The following KCNIP4 variants were observed in gnomAD, a reference collection of about 807,000 sequenced individuals.
KCNIP4 encodes the protein Kv channel-interacting protein 4.
In KCNIP4, 12 loss-of-function variants were observed where a neutral mutation model predicts 34.0. That is an observed-to-expected ratio of 0.35 (90% CI 0.23 to 0.57). The LOEUF (loss-of-function observed/expected upper bound fraction) is 0.57, where lower values mean the gene tolerates loss of function less well. Among genes scored for constraint, KCNIP4 ranks in the 20% least tolerant of loss-of-function variants. The pLI, the probability that KCNIP4 is intolerant of heterozygous loss-of-function variation, is 0.83. For missense variants in KCNIP4, 238 were observed against 311.7 expected, an observed-to-expected ratio of 0.76 and a Z score of 1.78; for synonymous variants, 124 against 102.2, an observed-to-expected ratio of 1.21 and a Z score of -1.29.
intron 1 of KCNIP4, among the ~76,000 whole-genome samples, chr4:21,571,259 CAG>C (rs576293018): frequency 5.0e-4 from 76 of 152,288 alleles, no homozygotes; most frequent in African/African-American, 1.8e-3. Context: ...ATTCCATAAA[CAG>C]AAGAGTCTAC....
intron 1 of KCNIP4, among the ~76,000 whole-genome samples, chr4:21,692,004 A>C (rs1353424055): frequency 6.6e-6 from 1 of 151,968 alleles, no homozygotes; most frequent in East Asian, 1.9e-4. Context: ...GGCCAAATGC[A>C]ACTCTTTCTA....
intron 1 of KCNIP4, among the ~76,000 whole-genome samples, chr4:21,648,136 G>C (rs553327884): frequency 3.0e-4 from 46 of 152,012 alleles, no homozygotes; most frequent in African/African-American, 1.0e-3. Flanking sequence ...GCCTCCCAAA[G>C]TGCTGGGATT....
chr4:21,443,069 T>C (rs887215357), intron 1 of KCNIP4, among the ~76,000 whole-genome samples: 3 of 152,210 alleles, frequency 2.0e-5, no homozygotes, highest in African/African-American at 7.2e-5. Flanking sequence ...GCATGTGTTG[T>C]CACTACGACA....
At chr4:21,924,328 C>A (rs1317422261) in intron 1 of KCNIP4, among the ~76,000 whole-genome samples, 1 of 147,962 alleles carries the variant, frequency 6.8e-6, no homozygotes. Context: ...ACCGCAAGCT[C>A]TGCCTCCCCG....
intron 1 of KCNIP4, among the ~76,000 whole-genome samples, chr4:21,304,785 A>C (rs1001321926): frequency 5.3e-5 from 8 of 152,170 alleles, no homozygotes; most frequent in African/African-American, 1.7e-4. Flanking sequence ...ATCTTTTTGA[A>C]GCATGGGAAT....
intron 1 of KCNIP4, among the ~76,000 whole-genome samples, chr4:21,294,595 T>C (rs956136322): frequency 6.6e-6 from 1 of 152,200 alleles, no homozygotes; most frequent in African/African-American, 2.4e-5. Context: ...AAAAATTTAA[T>C]ACTACAAATA....
intron 1 of KCNIP4, among the ~76,000 whole-genome samples, chr4:21,106,810 T>C (rs1748589200): frequency 6.6e-6 from 1 of 151,644 alleles, no homozygotes; most frequent in Admixed American, 6.5e-5. Context: ...TTTTTTCTCG[T>C]TGGTGTCAAA....
At chr4:21,942,320 T>C (rs541647390) in intron 1 of KCNIP4, among the ~76,000 whole-genome samples, 103 of 152,282 alleles carry the variant, frequency 6.8e-4, no homozygotes, top group African/African-American at 2.4e-3. Context: ...AAGGACCATT[T>C]GTGGGGTTAG....
intron 1 of KCNIP4, among the ~76,000 whole-genome samples, chr4:20,883,702 T>A (rs1724968603): frequency 6.6e-6 from 1 of 151,556 alleles, no homozygotes; most frequent in African/African-American, 2.4e-5. Flanking sequence ...CCTTTTCTAG[T>A]TCTTATCTTG....
rs138009804 is a variant in KCNIP4 at position 20,766,564 on chromosome 4, TCAAACAAACAAA to T, written c.289-7686_289-7675del. 3.3e-5 allele frequency among the ~76,000 whole-genome samples: 5 copies of T among 152,110 alleles called. No individual in the cohort carries two copies. The East Asian group carries it at 9.7e-4, about 29-fold the overall frequency. The stretch of plus-strand genomic sequence containing the variant: ...CTGGGTGACAGAGCAAAACTCCATC[TCAAACAAACAAA>T]CAAACAAACAAACATAAAGCAACTT... On this transcript the variant is annotated intron_variant, in intron 3 of 8. Transcript: ENST00000382152.
intron 1 of KCNIP4, among the ~76,000 whole-genome samples, chr4:21,383,942 T>TA (rs1721771718): frequency 6.6e-6 from 1 of 152,126 alleles, no homozygotes; most frequent in Non-Finnish European, 1.5e-5. Flanking sequence ...AGCTCATGCC[T>TA]ACCTCTCATA....
chr4:21,467,027 G>GA (rs979306076), intron 1 of KCNIP4, among the ~76,000 whole-genome samples: 6 of 147,050 alleles, frequency 4.1e-5, no homozygotes, highest in South Asian at 2.2e-4. Context: ...GAATCTCAAT[G>GA]AAAAAAATGT....
intron 3 of KCNIP4, among the ~76,000 whole-genome samples, chr4:20,797,494 T>G (rs1220884079): frequency 6.6e-6 from 1 of 152,202 alleles, no homozygotes; most frequent in Non-Finnish European, 1.5e-5. Context: ...AATGTGAATT[T>G]AATGGATTTT....
chr4:21,834,746 T>C (rs1265628411), intron 1 of KCNIP4, among the ~76,000 whole-genome samples: 1 of 151,730 alleles, frequency 6.6e-6, no homozygotes, highest in Non-Finnish European at 1.5e-5. Flanking sequence ...AGATAGCTCT[T>C]ATTATTTTGA....
At chr4:21,059,216 T>C (rs28550507) in intron 1 of KCNIP4, among the ~76,000 whole-genome samples, 1 of 152,156 alleles carries the variant, frequency 6.6e-6, no homozygotes, top group African/African-American at 2.4e-5. Flanking sequence ...CTCCCTGAGG[T>C]GTTGATTAAG....
intron 1 of KCNIP4, among the ~76,000 whole-genome samples, chr4:21,239,675 T>A (rs1027412519): frequency 1.3e-5 from 2 of 152,150 alleles, no homozygotes; most frequent in African/African-American, 4.8e-5. Context: ...CACAATGAGA[T>A]ACCATCTCAC....
chr4:21,040,858 T>C (rs28539500), intron 1 of KCNIP4, among the ~76,000 whole-genome samples: 4,146 of 151,902 alleles, frequency 0.027, 171 homozygotes, highest in African/African-American at 0.094. Context: ...CGTTTTTTTT[T>C]CTAAGTGGAA....
intron 1 of KCNIP4, among the ~76,000 whole-genome samples, chr4:21,801,755 C>T (rs1031238995): frequency 6.6e-6 from 1 of 152,006 alleles, no homozygotes; most frequent in Non-Finnish European, 1.5e-5. Flanking sequence ...ACTACCAGCG[C>T]GTGCCACCAT....
chr4:21,732,605 G>A (rs1715689576), intron 1 of KCNIP4, among the ~76,000 whole-genome samples: 1 of 152,156 alleles, frequency 6.6e-6, no homozygotes, highest in Non-Finnish European at 1.5e-5. Context: ...CTTCACTGAT[G>A]CCTCCCAGAG....
Sources: gnomAD v4.1 joint callset for allele counts (sites outside exome capture counted in the v4.1 genomes callset) on GRCh38, gnomAD v4.1.1 for gene constraint, MANE v1.5 for transcripts, NCBI Gene and HGNC (gene_info 2026-07-23, HGNC 2026-07-21) for gene names.